The following TAF1C variants were observed in gnomAD, a reference collection of about 807,000 sequenced individuals.
TAF1C encodes the protein TATA-box binding protein associated factor, RNA polymerase I subunit C, also known as TATA box-binding protein-associated factor RNA polymerase I subunit C.
In TAF1C, 79 loss-of-function variants were observed where a neutral mutation model predicts 70.5. That is an observed-to-expected ratio of 1.12 (90% CI 0.93 to 1.35). The LOEUF (loss-of-function observed/expected upper bound fraction) is 1.35. Among genes scored for constraint, TAF1C ranks in the 40% most tolerant of loss-of-function variants. TAF1C has a pLI of 0.00. For synonymous variants in TAF1C, 614 were observed against 491.1 expected, an observed-to-expected ratio of 1.25 and a Z score of -3.31; for missense variants, 1,412 against 1,127.8, an observed-to-expected ratio of 1.25 and a Z score of -3.61.
chr16:84,185,768 C>T (rs1202324980), intron 1 of TAF1C, among the ~76,000 whole-genome samples: 10 of 152,064 alleles, frequency 6.6e-5, no homozygotes, highest in African/African-American at 2.4e-4. Context: ...GGCGTGGTGA[C>T]GCATGCCTGT....
rs199676363 is a variant in TAF1C, at chr16:84,182,389, C to T, written c.534G>A (p.Gly178=). The T allele has an allele frequency of 1.3e-3, 2,136 of 1,607,050 alleles. 4 individuals carry two copies. Among genetic ancestry groups the T allele is most frequent in the Admixed American group, 2.9e-3 (169 of 59,248 alleles). ...CCACCGACGTGCCCAGGATGGGGCC[C>T]CCGAGGATAGAGAAGCGGCGCTGTC... is the stretch of plus-strand genomic sequence containing the variant. The part of the protein sequence containing the change: ...SNRQRRFSIL[G]GPILGTSVAS... The change falls in exon 7 of 15, where the codon GGG becomes GGA. Residue 178 remains glycine (G), a synonymous_variant. Coordinates refer to ENST00000566732, the MANE Select transcript of TAF1C (RefSeq NM_001243156.2). The surrounding 1 kb of genome is among the most constrained non-coding windows in gnomAD (Gnocchi z 5.0).
At position 84,179,419 on chromosome 16, in the gene TAF1C, G is replaced by C; in HGVS notation, c.2054C>G (p.Ser685Ter). 1 of 1,597,634 alleles carries C rather than the reference G, an allele frequency of 6.3e-7. No homozygotes were observed. The highest frequency in any genetic ancestry group is 8.5e-7 in the Non-Finnish European group (1 of 1,177,730). ...CTCACTGAGCTTGTCCTCTAGGCCTGACTCGGGTGCAGGGGGTGGCTCTGC... is the reference window on the plus strand; with the variant it reads ...CTCACTGAGCTTGTCCTCTAGGCCTCACTCGGGTGCAGGGGGTGGCTCTGC... ...PAAEPPPAPE[S>*]GLEDKLSERL... Residue 685 changes from serine (S) to a stop codon, truncating the protein, a stop_gained, in exon 15 of 15, where the codon TCA becomes TGA. Coordinates refer to ENST00000566732, the MANE Select transcript of TAF1C (RefSeq NM_001243156.2). LOFTEE classifies it low-confidence loss of function (END_TRUNC).
rs767803386 is a variant in TAF1C, at chr16:84,180,022, G to A, written c.1545C>T (p.Asp515=). The A allele has an allele frequency of 1.2e-6, 2 of 1,611,066 alleles. No homozygotes were observed. The highest frequency in any genetic ancestry group is 1.7e-6 in the Non-Finnish European group (2 of 1,179,222). The change falls in exon 14 of 15, where the codon GAC becomes GAT. Residue 515 remains aspartate, a synonymous_variant. Transcript: ENST00000566732. The stretch of plus-strand genomic sequence containing the variant: ...CCAGCAGAGGAAATGCAGGGAGGGA[G>A]TCGATCCTGGAAGGAAGAGACTGGG... ...GPPQSLPSRI[D]SLPAFPLLEP...
intron 3 of TAF1C, 31 bp from the exon 4 acceptor site, chr16:84,183,538 A>G (rs908515343): frequency 6.3e-7 from 1 of 1,587,332 alleles, no homozygotes; most frequent in South Asian, 1.1e-5. Flanking sequence ...AGGGCTGGGG[A>G]GGGCACAGGA....
At chr16:84,186,736 G>A (rs2089508737) in intron 1 of TAF1C, among the ~76,000 whole-genome samples, 165 bp downstream of exon 1, 1 of 152,196 alleles carries the variant, frequency 6.6e-6, no homozygotes, top group African/African-American at 2.4e-5. Context: ...AGACCTCCAA[G>A]GCTACAGAAC....
At position 84,179,176 on chromosome 16, in the gene TAF1C, G is replaced by A. The variant is rs202223037; in HGVS notation, c.2297C>T (p.Thr766Ile). 2.5e-6 allele frequency: 4 copies of A among 1,595,878 alleles called. No individual in the cohort carries two copies. Among genetic ancestry groups the A allele is most frequent in the Non-Finnish European group, 3.4e-6 (4 of 1,176,296 alleles). The stretch of plus-strand genomic sequence containing the variant: ...CGGAGTCAACTCCTGGGAGGGCGGG[G>A]TCGTGGGGGGCAGGGGCAGAGCATC... ...PADALPLPPT[T>I]PPSQELTPDA... The change falls in exon 15 of 15, where the codon ACC becomes ATC. Residue 766 changes from threonine (T) to isoleucine (I), a missense_variant. Coordinates refer to ENST00000566732, the MANE Select transcript of TAF1C (RefSeq NM_001243156.2).
chr16:84,181,322 C>T lies in TAF1C; in HGVS notation c.1164+6G>A, dbSNP rs1326804338. ...TCGGGGTGGGTCCTCTGCCGCCAGC[C>T]CGTACCTGAGTGTCCAGCATCTTCA... On this transcript the variant is annotated splice_donor_region_variant and intron_variant, in intron 11 of 14. Transcript: ENST00000566732. The T allele has an allele frequency of 1.2e-6, 2 of 1,612,918 alleles. No individual in the cohort carries two copies. The highest frequency in any genetic ancestry group is 1.7e-6 in the Non-Finnish European group (2 of 1,179,450).
At position 84,179,569 on chromosome 16, in the gene TAF1C, C is replaced by G; in HGVS notation, c.1904G>C (p.Arg635Pro). The change falls in exon 15 of 15, where the codon CGC (arginine) becomes CCC (proline). Residue 635 changes from arginine (R) to proline (P), a missense_variant. Arg to Pro is a moderately radical substitution (Grantham distance 103). Coordinates refer to ENST00000566732, the MANE Select transcript of TAF1C (RefSeq NM_001243156.2). Reference sequence around the variant, plus strand: ...CAGCTCTGTGCTGCCCAGCATCTGGCGGTGGGTGAAGGTGGGTGCTGTCCA... The same window carrying G: ...CAGCTCTGTGCTGCCCAGCATCTGGGGGTGGGTGAAGGTGGGTGCTGTCCA... ...PVWTAPTFTH[R>P]QMLGSTELRR... 1 of 1,612,546 alleles carries G rather than the reference C, an allele frequency of 6.2e-7. No individual in the cohort carries two copies. The highest frequency in any genetic ancestry group is 8.5e-7 in the Non-Finnish European group (1 of 1,179,864).
intron 1 of TAF1C, 186 bp from the exon 2 acceptor site, chr16:84,185,246 T>C (rs1291736269): frequency 2.6e-6 from 1 of 378,906 alleles, no homozygotes; most frequent in Admixed American, 4.4e-5. Context: ...AGGAAAAGCC[T>C]CGTTGAGAAG....
Position 84,181,363 on chromosome 16 carries a change from C to G in TAF1C, c.1129G>C (p.Gly377Arg). 6.2e-7 allele frequency: 1 copy of G among 1,613,806 alleles called. No homozygotes were observed. Among genetic ancestry groups the G allele is most frequent in the South Asian group, 1.1e-5 (1 of 91,080 alleles). ...AGCATCTTCACTCCGGTGCGGTCAC[C>G]CACGGTCAGCACCCGAGGGTGCGCA... The part of the protein sequence containing the change: ...FTAHPRVLTV[G>R]DRTGVKMLDT... Residue 377 changes from glycine to arginine, a missense_variant, in exon 11 of 15, where the codon GGT (glycine) becomes CGT (arginine). Physicochemically the swap from Gly to Arg is moderately radical, Grantham distance 125. Transcript: ENST00000566732.
At chr16:84,186,385 C>T (rs982205544) in intron 1 of TAF1C, among the ~76,000 whole-genome samples, 3 of 152,110 alleles carry the variant, frequency 2.0e-5, no homozygotes, top group Admixed American at 1.3e-4. Flanking sequence ...GAAACCCTGT[C>T]AATACTAAAA....
chr16:84,178,862 T>G lies in TAF1C; in HGVS notation c.*79A>C. On this transcript the variant is annotated 3_prime_UTR_variant, in exon 15 of 15. Transcript: ENST00000566732. ...GGTGGCGAGCTCTGCTTCTCAAGTT[T>G]CAACTGTGGAAGGCACATCTGGTCC... 3 of 1,456,558 alleles carry G rather than the reference T, an allele frequency of 2.1e-6. No individual in the cohort carries two copies. Among genetic ancestry groups the G allele is most frequent in the South Asian group, 1.4e-5 (1 of 73,170 alleles). The allele number at this position is 1,456,558 out of a possible 1,614,324, so 90.2% of individuals were successfully genotyped here.
Position 84,178,415 on chromosome 16 carries a change from C to T in TAF1C, c.*526G>A, listed in dbSNP as rs764349036. ...CTGCCAAGTGTATTTAGTCCCTGAA[C>T]CTGGATCCAAGGCATCTCCCTGTAG... On this transcript the variant is annotated 3_prime_UTR_variant, in exon 15 of 15. Coordinates refer to ENST00000566732, the MANE Select transcript of TAF1C (RefSeq NM_001243156.2). 1 of 457,688 alleles carries T rather than the reference C, an allele frequency of 2.2e-6. No individual in the cohort carries two copies. Among genetic ancestry groups the T allele is most frequent in the Non-Finnish European group, 4.4e-6 (1 of 227,826 alleles). The allele number at this position is 457,688 out of a possible 1,614,324, so 28.4% of individuals were successfully genotyped here.
At position 84,178,968 on chromosome 16, in the gene TAF1C, G is replaced by T; in HGVS notation, c.2505C>A (p.Leu835=). 1.2e-6 allele frequency: 2 copies of T among 1,610,274 alleles called. No individual in the cohort carries two copies. Among genetic ancestry groups the T allele is most frequent in the Non-Finnish European group, 8.5e-7 (1 of 1,179,554 alleles). The part of the protein sequence containing the change: ...HTPVLSSSQP[L]RKKPRMGF ...AGAAGCCCATTCGAGGCTTCTTCCG[G>T]AGGGGCTGAGAGCTAGAGAGGACGG... Residue 835 remains leucine, a synonymous_variant, in exon 15 of 15, where the codon CTC becomes CTA. Coordinates refer to ENST00000566732, the MANE Select transcript of TAF1C (RefSeq NM_001243156.2).
In TAF1C at chr16:84,179,416, C is replaced by T; in HGVS notation, c.2057G>A (p.Gly686Asp). The T allele has an allele frequency of 1.3e-6, 2 of 1,597,638 alleles. No homozygotes were observed. Among genetic ancestry groups the T allele is most frequent in the Non-Finnish European group, 1.7e-6 (2 of 1,177,764 alleles). ...AAEPPPAPESGLEDKLSERLG... is the reference protein window; with the variant it reads ...AAEPPPAPESDLEDKLSERLG... The stretch of plus-strand genomic sequence containing the variant: ...GCGCTCACTGAGCTTGTCCTCTAGG[C>T]CTGACTCGGGTGCAGGGGGTGGCTC... Residue 686 changes from glycine to aspartate, a missense_variant, in exon 15 of 15, where the codon GGC becomes GAC. Gly to Asp is a moderately conservative substitution (Grantham distance 94, BLOSUM62 -1). Coordinates refer to ENST00000566732, the MANE Select transcript of TAF1C (RefSeq NM_001243156.2).
chr16:84,185,217 G>A, intron 1 of TAF1C, 157 bp from the exon 2 acceptor site: 1 of 447,324 alleles, frequency 2.2e-6, no homozygotes, highest in Non-Finnish European at 3.9e-6. Flanking sequence ...CTGAGGGCGT[G>A]GTTTCAGCAA....
intron 1 of TAF1C, among the ~76,000 whole-genome samples, chr16:84,185,923 C>G (rs2089457033): frequency 1.3e-5 from 2 of 152,224 alleles, no homozygotes; most frequent in South Asian, 4.1e-4. Context: ...AATTACATCA[C>G]AAGGCTTTGG....
At chr16:84,183,354 G>C in intron 4 of TAF1C, 21 bp from the exon 5 acceptor site, 1 of 1,613,942 alleles carries the variant, frequency 6.2e-7, no homozygotes, top group Non-Finnish European at 8.5e-7. Context: ...GAGGAGGCCA[G>C]GTCACTAAGC....
Position 84,181,852 on chromosome 16 carries a change from C to T in TAF1C, c.850G>A (p.Val284Ile), listed in dbSNP as rs201354483. ...ACGGCACAGTGGTAGTCAGAGCGGA[C>T]GGCCAGCAGAGCTGAGGAGGGATGG... The part of the protein sequence containing the change: ...CTVQGETLLA[V>I]RSDYHCAVWK... The change falls in exon 9 of 15, where the codon GTC (valine) becomes ATC (isoleucine). Residue 284 changes from valine to isoleucine, a missense_variant. By Grantham distance (29) the Val-to-Ile change is conservative (BLOSUM62 3). Coordinates refer to ENST00000566732, the MANE Select transcript of TAF1C (RefSeq NM_001243156.2). The T allele has an allele frequency of 1.5e-5, 24 of 1,614,042 alleles. No individual in the cohort carries two copies. The highest frequency in any genetic ancestry group is 1.1e-4 in the East Asian group (5 of 44,892).
Sources: gnomAD v4.1 joint callset for allele counts (sites outside exome capture counted in the v4.1 genomes callset) on GRCh38, gnomAD v4.1.1 for gene constraint, Gnocchi (gnomAD v3.1) non-coding constraint, MANE v1.5 for transcripts, NCBI Gene and HGNC (gene_info 2026-07-23, HGNC 2026-07-21) for gene names.